NARS2: variants seen among roughly 807,000 people sequenced by gnomAD.
The protein encoded by NARS2 is asparaginyl-tRNA synthetase.
Under a neutral mutation model 62.9 loss-of-function variants are expected in NARS2, and 60 were observed. The ratio of observed to expected loss-of-function variants is 0.95; its 90% confidence interval spans 0.77 to 1.18. NARS2 has a LOEUF of 1.18. NARS2 is among the 50% of genes most tolerant of loss of function. The probability of loss-of-function intolerance (pLI) is 0.00; values close to 1 mark genes in which losing one functional copy is unlikely to be tolerated. For synonymous variants in NARS2, 196 were observed against 200.0 expected (o/e 0.98, Z 0.17); for missense variants, 619 against 576.4 (o/e 1.07, Z -0.76).
At chr11:78,438,196 T>C (rs1047163361) in intron 13 of NARS2, among the ~76,000 whole-genome samples, 1 of 152,120 alleles carries the variant, frequency 6.6e-6, no homozygotes, top group African/African-American at 2.4e-5. Flanking sequence ...TAAGCACTTA[T>C]CTTTTTAAAG....
At chr11:78,499,618 CT>C (rs1214744860) in intron 6 of NARS2, among the ~76,000 whole-genome samples, 5 of 152,152 alleles carry the variant, frequency 3.3e-5, no homozygotes, top group African/African-American at 1.2e-4. Flanking sequence ...ACAAGAAAAT[CT>C]TTGAAAAGGA....
intron 13 of NARS2, among the ~76,000 whole-genome samples, chr11:78,437,491 A>G (rs1213568320): frequency 1.3e-5 from 2 of 152,200 alleles, no homozygotes; most frequent in African/African-American, 4.8e-5. Context: ...ACAGCCTCTG[A>G]AACCCATCCA....
chr11:78,478,789 C>T (rs1244239094), intron 7 of NARS2, 106 bp from the exon 8 acceptor site: 1 of 547,532 alleles, frequency 1.8e-6, no homozygotes, highest in Non-Finnish European at 3.1e-6. Flanking sequence ...ACTATAAATC[C>T]ACCAAGTCTT....
intron 3 of NARS2, 26 bp from the exon 4 acceptor site, chr11:78,566,298 T>C (rs771155765): frequency 8.3e-6 from 13 of 1,558,382 alleles, no homozygotes; most frequent in Middle Eastern, 1.7e-4. Flanking sequence ...AAGAACAAAT[T>C]AGAAGTCAAA....
At chr11:78,510,707 A>G (rs1471827995) in intron 6 of NARS2, among the ~76,000 whole-genome samples, 2 of 152,224 alleles carry the variant, frequency 1.3e-5, no homozygotes, top group Non-Finnish European at 2.9e-5. Flanking sequence ...AATGTGTGCT[A>G]GTGGTTATAA....
intron 3 of NARS2, 69 bp from the exon 4 acceptor site, chr11:78,566,341 G>GT: frequency 7.5e-7 from 1 of 1,335,696 alleles, no homozygotes; most frequent in Non-Finnish European, 1.0e-6. Flanking sequence ...AGTTTCCAGG[G>GT]TATTTCTTAA....
At chr11:78,484,151 A>G (rs747754807) in intron 7 of NARS2, among the ~76,000 whole-genome samples, 9 of 152,338 alleles carry the variant, frequency 5.9e-5, no homozygotes, top group South Asian at 2.1e-4. Flanking sequence ...AGGATTCTCT[A>G]TCTAATAAAT....
chr11:78,469,775 A>C (rs12224759), intron 9 of NARS2, among the ~76,000 whole-genome samples: 7 of 152,184 alleles, frequency 4.6e-5, no homozygotes, highest in South Asian at 2.1e-4. Flanking sequence ...AGAGAGAGAG[A>C]GAGCGAGAGA....
chr11:78,553,234 T>G (rs1856193544), intron 5 of NARS2, among the ~76,000 whole-genome samples: 1 of 152,188 alleles, frequency 6.6e-6, no homozygotes, highest in Non-Finnish European at 1.5e-5. Flanking sequence ...TTCATATGCT[T>G]GTTGGCCTCA....
intron 5 of NARS2, among the ~76,000 whole-genome samples, chr11:78,557,849 T>C (rs1027645043): frequency 6.7e-6 from 1 of 148,856 alleles, no homozygotes; most frequent in Non-Finnish European, 1.5e-5. Flanking sequence ...ATATTTTATA[T>C]ATATACAATC....
rs562407703 is a variant in NARS2 at position 78,455,321 on chromosome 11, A to T, written c.1164+10555T>A. Among the ~76,000 whole-genome samples the T allele has an allele frequency of 5.9e-5, 9 of 152,340 alleles. No individual in the cohort carries two copies. The South Asian group carries it at 1.9e-3, about 32-fold the overall frequency. Reference sequence around the variant, plus strand: ...TAATTTTTAAAGCAATTTTAAAAACATTTGTTCATCTGATTTCCACAACAA... The same window carrying T: ...TAATTTTTAAAGCAATTTTAAAAACTTTTGTTCATCTGATTTCCACAACAA... On this transcript the variant is annotated intron_variant, in intron 11 of 13. Coordinates refer to ENST00000281038, the MANE Select transcript of NARS2 (RefSeq NM_024678.6).
chr11:78,437,630 A>G (rs1175121317), intron 13 of NARS2, among the ~76,000 whole-genome samples: 2 of 152,176 alleles, frequency 1.3e-5, no homozygotes, highest in Non-Finnish European at 2.9e-5. Flanking sequence ...AACTATAAAT[A>G]TTTTATTATG....
At position 78,523,227 on chromosome 11, in the gene NARS2, C is replaced by T. The variant is rs1314923108; in HGVS notation, c.689+5615G>A. On this transcript the variant is annotated intron_variant, in intron 6 of 13. Coordinates refer to ENST00000281038, the MANE Select transcript of NARS2 (RefSeq NM_024678.6). The stretch of plus-strand genomic sequence containing the variant: ...GCTCATTGACTTTAATGATGAAAAC[C>T]CATCATTAGTAGTCAGGGGAATGCA... Among the ~76,000 whole-genome samples the T allele has an allele frequency of 2.6e-5, 4 of 152,062 alleles. No individual in the cohort carries two copies. The East Asian group carries it at 7.7e-4, about 29-fold the overall frequency.
intron 11 of NARS2, among the ~76,000 whole-genome samples, chr11:78,455,089 C>T (rs1858109775): frequency 6.6e-6 from 1 of 152,042 alleles, no homozygotes; most frequent in Admixed American, 6.6e-5. Flanking sequence ...GTCTTTAATT[C>T]CCCCCTTCCC....
chr11:78,496,812 G>A (rs1860076832), intron 6 of NARS2, among the ~76,000 whole-genome samples: 1 of 152,150 alleles, frequency 6.6e-6, no homozygotes, highest in African/African-American at 2.4e-5. Flanking sequence ...TATAGGAGTA[G>A]GGGTTGGGGA....
intron 11 of NARS2, among the ~76,000 whole-genome samples, chr11:78,461,530 C>T (rs1342805570): frequency 7.1e-6 from 1 of 140,470 alleles, no homozygotes; most frequent in African/African-American, 2.7e-5. Flanking sequence ...ACAAGAGCTA[C>T]TTCAACGGTG....
intron 6 of NARS2, among the ~76,000 whole-genome samples, chr11:78,501,137 T>C (rs1195303314): frequency 1.3e-5 from 2 of 152,210 alleles, no homozygotes; most frequent in African/African-American, 4.8e-5. Context: ...ACAAGTCCAT[T>C]ATGTGTTACA....
intron 12 of NARS2, among the ~76,000 whole-genome samples, chr11:78,442,734 C>T (rs1441487573): frequency 1.3e-5 from 2 of 151,656 alleles, no homozygotes; most frequent in East Asian, 1.9e-4. Context: ...GTAGGAGTGG[C>T]GGTTCAATTG....
chr11:78,541,053 G>T (rs2135461205), intron 5 of NARS2, among the ~76,000 whole-genome samples: 1 of 152,226 alleles, frequency 6.6e-6, no homozygotes, highest in Middle Eastern at 3.4e-3. Context: ...CAGCTACTTG[G>T]GAGGCTCAGT....
Sources: gnomAD v4.1 joint callset for allele counts (sites outside exome capture counted in the v4.1 genomes callset) on GRCh38, gnomAD v4.1.1 for gene constraint, MANE v1.5 for transcripts, NCBI Gene and HGNC (gene_info 2026-07-23, HGNC 2026-07-21) for gene names.